The following CTNNA2 variants were observed in gnomAD, a reference collection of about 807,000 sequenced individuals.
CTNNA2 encodes catenin alpha-2.
CTNNA2 carries 42 observed loss-of-function variants against 101.0 expected under a neutral mutation model. The observed-to-expected ratio is 0.42, with a 90% CI of 0.32 to 0.54. The LOEUF (loss-of-function observed/expected upper bound fraction) is 0.54, where lower values mean the gene tolerates loss of function less well. CTNNA2 is among the 20% of genes least tolerant of loss of function. CTNNA2 has a pLI of 0.14. For missense variants in CTNNA2, 871 were observed against 1,223.1 expected (o/e 0.71, Z 4.29); for synonymous variants, 450 against 456.4 (o/e 0.99, Z 0.18).
At chr2:80,271,898 T>C (rs1057074211) in intron 7 of CTNNA2, among the ~76,000 whole-genome samples, 2 of 152,236 alleles carry the variant, frequency 1.3e-5, no homozygotes, top group African/African-American at 4.8e-5. Flanking sequence ...GAGGATTTCA[T>C]CTGGCCATTG....
intron 4 of CTNNA2, among the ~76,000 whole-genome samples, chr2:79,418,025 C>G (rs12990120): frequency 0.3 from 45,388 of 151,788 alleles, 6,943 homozygotes; most frequent in South Asian, 0.46. Context: ...GAGGGGTAGG[C>G]GGATAGGGTA....
intron 2 of CTNNA2, among the ~76,000 whole-genome samples, chr2:79,731,261 T>A (rs1384433402): frequency 1.3e-5 from 2 of 152,092 alleles, no homozygotes; most frequent in Non-Finnish European, 2.9e-5. Context: ...GAATCTCCTG[T>A]GTTTCAACGA....
intron 9 of CTNNA2, among the ~76,000 whole-genome samples, chr2:80,484,771 C>T (rs1001588470): frequency 1.3e-5 from 2 of 152,134 alleles, no homozygotes; most frequent in African/African-American, 2.4e-5. Flanking sequence ...CTTTGGGAGG[C>T]CAAGGCGGGC....
chr2:79,344,928 T>C (rs1251347174), intron 3 of CTNNA2, among the ~76,000 whole-genome samples: 2 of 148,558 alleles, frequency 1.3e-5, no homozygotes, highest in Non-Finnish European at 3.0e-5. Flanking sequence ...TTAAGAAAGA[T>C]AGTGTATGTA....
rs567131551 is a variant in CTNNA2, at chr2:80,591,457, G to GTTTTTTTTTTTTTTTTTTTTTTT, written c.2189+1993_2189+1994insTTTTTTTTTTTTTTTTTTTTTTT. On this transcript the variant is annotated intron_variant, in intron 15 of 18. Coordinates refer to ENST00000402739, the MANE Select transcript of CTNNA2 (RefSeq NM_001282597.3). Reference sequence around the variant, plus strand: ...ATTGCTGCCTCCATCTGCACAGCCTGTTTTTTTTTTTTTTTTTTTTTGCAA... The same window carrying GTTTTTTTTTTTTTTTTTTTTTTT: ...ATTGCTGCCTCCATCTGCACAGCCTGTTTTTTTTTTTTTTTTTTTTTTTTTTTTTTTTTTTTTTTTTTTTGCAA... Among the ~76,000 whole-genome samples the GTTTTTTTTTTTTTTTTTTTTTTT allele has an allele frequency of 6.0e-4, 42 of 70,304 alleles. 4 individuals are homozygous for GTTTTTTTTTTTTTTTTTTTTTTT. The highest frequency in any genetic ancestry group is 9.0e-4 in the Non-Finnish European group (30 of 33,378). 46.1% of individuals were successfully genotyped at this position (70,304 alleles called of 152,430 possible). A position where few individuals can be genotyped will look rare whatever the true frequency, so the allele number is the denominator to read the frequency against.
intron 7 of CTNNA2, among the ~76,000 whole-genome samples, chr2:80,300,962 G>A (rs1405998633): frequency 4.6e-5 from 7 of 151,032 alleles, no homozygotes; most frequent in East Asian, 1.9e-4. Flanking sequence ...AAAAAAAAAA[G>A]GGAAAGCAAG....
intron 9 of CTNNA2, among the ~76,000 whole-genome samples, chr2:80,463,692 T>A (rs1367386710): frequency 6.6e-6 from 1 of 152,176 alleles, no homozygotes; most frequent in Non-Finnish European, 1.5e-5. Flanking sequence ...TTTGATTACA[T>A]TAATAGTCCT....
chr2:79,254,083 A>G (rs1473792780), intron 2 of CTNNA2, among the ~76,000 whole-genome samples: 1 of 152,144 alleles, frequency 6.6e-6, no homozygotes, highest in Non-Finnish European at 1.5e-5. Context: ...TCTCTGGATA[A>G]CCACTTGTTG....
intron 11 of CTNNA2, among the ~76,000 whole-genome samples, chr2:80,547,308 G>A (rs1692161313): frequency 6.6e-6 from 1 of 152,076 alleles, no homozygotes; most frequent in Non-Finnish European, 1.5e-5. Context: ...ACTCTCTGCT[G>A]CTTGATTTAA....
At chr2:79,881,233 T>C (rs1399850075) in intron 6 of CTNNA2, among the ~76,000 whole-genome samples, 1 of 152,222 alleles carries the variant, frequency 6.6e-6, no homozygotes, top group Non-Finnish European at 1.5e-5. Context: ...CTTCCAATTA[T>C]GTGGTCAATT....
intron 7 of CTNNA2, among the ~76,000 whole-genome samples, chr2:80,308,308 G>A (rs1190923112): frequency 1.3e-5 from 2 of 152,178 alleles, no homozygotes; most frequent in Non-Finnish European, 2.9e-5. Flanking sequence ...AGCAATCTTT[G>A]TCAATGTTCA....
Position 79,573,312 on chromosome 2 carries a change from A to G in CTNNA2, c.-6+60105A>G, listed in dbSNP as rs142399528. On this transcript the variant is annotated intron_variant, in intron 1 of 18. Transcript: ENST00000402739. ...ACAAGTGTCATCGCCAATGCTGACA[A>G]CACATATCTTACTGGTAAGTTTTAT... is the stretch of plus-strand genomic sequence containing the variant. 1.5e-4 allele frequency among the ~76,000 whole-genome samples: 23 copies of G among 152,326 alleles called. No homozygotes were observed. The East Asian group carries it at 4.4e-3, about 29-fold the overall frequency.
intron 7 of CTNNA2, among the ~76,000 whole-genome samples, chr2:80,132,503 T>G (rs1231378007): frequency 6.6e-6 from 1 of 152,186 alleles, no homozygotes; most frequent in Non-Finnish European, 1.5e-5. Flanking sequence ...CTAGAAGCAA[T>G]ATAATTCCCT....
At chr2:80,002,422 G>A (rs993137562) in intron 7 of CTNNA2, among the ~76,000 whole-genome samples, 1 of 152,136 alleles carries the variant, frequency 6.6e-6, no homozygotes, top group Non-Finnish European at 1.5e-5. Flanking sequence ...TTGACCAAGT[G>A]GAAAATGGAT....
intron 9 of CTNNA2, among the ~76,000 whole-genome samples, chr2:80,447,028 CCA>C (rs1284452402): frequency 2.0e-5 from 3 of 152,050 alleles, no homozygotes; most frequent in African/African-American, 4.8e-5. Flanking sequence ...AGAATTATGA[CCA>C]CCATGAATAT....
intron 7 of CTNNA2, among the ~76,000 whole-genome samples, chr2:79,983,449 G>A (rs1180508882): frequency 1.3e-5 from 2 of 152,220 alleles, no homozygotes; most frequent in East Asian, 1.9e-4. Context: ...GACTAGGATA[G>A]GGAGGGTCTC....
chr2:79,192,986 T>C (rs1449043529), intron 1 of CTNNA2, among the ~76,000 whole-genome samples: 1 of 152,212 alleles, frequency 6.6e-6, no homozygotes. Context: ...TTCAAGTTAC[T>C]ATCCTCTTGA....
At chr2:79,211,351 C>G (rs1015370730) in intron 2 of CTNNA2, among the ~76,000 whole-genome samples, 1 of 152,102 alleles carries the variant, frequency 6.6e-6, no homozygotes, top group East Asian at 1.9e-4. Context: ...ACTTTTCATG[C>G]GCGTCCGTGA....
intron 7 of CTNNA2, among the ~76,000 whole-genome samples, chr2:80,221,190 T>C (rs954439170): frequency 3.3e-5 from 5 of 152,296 alleles, no homozygotes; most frequent in Non-Finnish European, 4.4e-5. Flanking sequence ...GCCCTTCCCG[T>C]TTTTATTAAA....
Sources: gnomAD v4.1 joint callset for allele counts (sites outside exome capture counted in the v4.1 genomes callset) on GRCh38, gnomAD v4.1.1 for gene constraint, MANE v1.5 for transcripts, NCBI Gene and HGNC (gene_info 2026-07-23, HGNC 2026-07-21) for gene names.